Variants in ZBP1 observed in about 807,000 individuals in gnomAD.
ZBP1 encodes the protein Z-DNA binding protein 1.
A neutral mutation model predicts 41.1 loss-of-function variants in ZBP1; 42 were observed. The observed-to-expected ratio is 1.02, with a 90% CI of 0.80 to 1.32. The LOEUF (loss-of-function observed/expected upper bound fraction) is 1.32, where lower values mean the gene tolerates loss of function less well. Ranked by LOEUF, ZBP1 falls within the 40% of genes most tolerant of loss-of-function variation. The pLI, the probability that ZBP1 is intolerant of heterozygous loss-of-function variation, is 0.00. For missense variants in ZBP1, 562 were observed against 549.7 expected (o/e 1.02, Z -0.22); for synonymous variants, 214 against 205.2 (o/e 1.04, Z -0.37).
Position 57,610,121 on chromosome 20 carries a change from CAG to C in ZBP1, c.1093+26_1093+27del, listed in dbSNP as rs1253609281. 1.3e-6 allele frequency: 2 copies of C among 1,575,346 alleles called. No individual in the cohort carries two copies. The highest frequency in any genetic ancestry group is 1.7e-6 in the Non-Finnish European group (2 of 1,146,432). ...AAGGTGGGGAGAGAGAGAGAACACA[CAG>C]GGGTCCACTCTGCCCCCTAGCTCAC... is the stretch of plus-strand genomic sequence containing the variant. On this transcript the variant is annotated intron_variant, in intron 7 of 7. Coordinates refer to ENST00000371173, the MANE Select transcript of ZBP1 (RefSeq NM_030776.3). This position sits in a 1 kb window ranked among gnomAD's most constrained non-coding sequence, Gnocchi z 5.5.
intron 2 of ZBP1, 62 bp downstream of exon 2, chr20:57,616,182 G>T: frequency 6.7e-7 from 1 of 1,493,822 alleles, no homozygotes; most frequent in Non-Finnish European, 9.3e-7. Context: ...TCAAATCTGT[G>T]CTTGTCCATT....
rs549416088 is a variant in ZBP1, at chr20:57,612,829, A to C, written c.670+334T>G. On this transcript the variant is annotated intron_variant, in intron 5 of 7. Transcript: ENST00000371173. ...AAGGCAATTGAGTTGTTTCTCATGA[A>C]AAACACCGGACCCCATTGAAAATGA... is the stretch of plus-strand genomic sequence containing the variant. 108 of 1,025,470 alleles carry C rather than the reference A, an allele frequency of 1.1e-4. 2 individuals carry two copies. In the African/African-American group the frequency reaches 1.4e-3, roughly 14 times the overall value. 63.5% of individuals were successfully genotyped at this position (1,025,470 alleles called of 1,614,324 possible). A position where few individuals can be genotyped will look rare whatever the true frequency, so the allele number is the denominator to read the frequency against.
intron 7 of ZBP1, among the ~76,000 whole-genome samples, chr20:57,606,851 C>T (rs945505921): frequency 1.3e-5 from 2 of 152,190 alleles, no homozygotes; most frequent in Admixed American, 6.5e-5. Flanking sequence ...CATTTCACTG[C>T]TCATCGTCCA....
rs2070452266 is a variant in ZBP1, at chr20:57,604,692, T to G, written c.1171A>C (p.Lys391Gln). 2 of 1,614,122 alleles carry G rather than the reference T, an allele frequency of 1.2e-6. No individual in the cohort carries two copies. Among genetic ancestry groups the G allele is most frequent in the Non-Finnish European group, 1.7e-6 (2 of 1,180,028 alleles). ...ATAGTTTCCAGCTTGGGGGTGAGCT[T>G]CGAGTGGCTGGGAGTGATGGGCTGA... ...IGQPITPSHS[K>Q]LTPKLETMTL... The change falls in exon 8 of 8, where the codon AAG becomes CAG. Residue 391 changes from lysine (K) to glutamine (Q), a missense_variant. Lys to Gln is a moderately conservative substitution (Grantham distance 53). Coordinates refer to ENST00000371173, the MANE Select transcript of ZBP1 (RefSeq NM_030776.3).
Position 57,604,348 on chromosome 20 carries a change from A to C in ZBP1, c.*225T>G. 1.5e-6 allele frequency: 1 copy of C among 670,840 alleles called. No individual in the cohort carries two copies. 41.6% of individuals were successfully genotyped at this position (670,840 alleles called of 1,614,324 possible). On this transcript the variant is annotated 3_prime_UTR_variant, in exon 8 of 8. Coordinates refer to ENST00000371173, the MANE Select transcript of ZBP1 (RefSeq NM_030776.3). Reference sequence around the variant, plus strand: ...TCTACCCACCTCCTCTTGGCACACCAAAGGTTCCCCAAGGCAACTCCCTGT... The same window carrying C: ...TCTACCCACCTCCTCTTGGCACACCCAAGGTTCCCCAAGGCAACTCCCTGT...
chr20:57,618,825 C>G (rs774158605), intron 1 of ZBP1, among the ~76,000 whole-genome samples: 1 of 152,166 alleles, frequency 6.6e-6, no homozygotes, highest in Non-Finnish European at 1.5e-5. Context: ...GGGTGATCCC[C>G]GCAACTCAGC....
At chr20:57,605,983 C>T (rs2070487111) in intron 7 of ZBP1, among the ~76,000 whole-genome samples, 2 of 152,080 alleles carry the variant, frequency 1.3e-5, no homozygotes, top group Admixed American at 6.5e-5. Context: ...CCTCTATGTG[C>T]TAAAGTGAAA....
rs1303787950 is a variant in ZBP1, at chr20:57,613,715, T to C, written c.503-385A>G. Among the ~76,000 whole-genome samples the C allele has an allele frequency of 2.6e-5, 4 of 152,202 alleles. No homozygotes were observed. The highest frequency in any genetic ancestry group is 7.2e-5 in the African/African-American group (3 of 41,440). ...GTAATGGCCGAGAAACAGCAGCCCA[T>C]TGGGCCAGATCGGTCGTGTTTGGCT... is the stretch of plus-strand genomic sequence containing the variant. On this transcript the variant is annotated intron_variant, in intron 4 of 7. Coordinates refer to ENST00000371173, the MANE Select transcript of ZBP1 (RefSeq NM_030776.3). The surrounding 1 kb of genome is among the most constrained non-coding windows in gnomAD (Gnocchi z 4.5).
In ZBP1 at chr20:57,604,713, G is replaced by C. The variant is rs1278188047; in HGVS notation, c.1150C>G (p.Pro384Ala). 2.3e-5 allele frequency: 37 copies of C among 1,614,050 alleles called. No individual in the cohort carries two copies. Among genetic ancestry groups the C allele is most frequent in the African/African-American group, 5.3e-5 (4 of 74,912 alleles). ...AGCTTCGAGTGGCTGGGAGTGATGG[G>C]CTGACCAATGTCTCGAGGAAAGTGA... ...RSHFPRDIGQ[P>A]ITPSHSKLTP... The change falls in exon 8 of 8, where the codon CCC becomes GCC. Residue 384 changes from proline (P) to alanine (A), a missense_variant. Coordinates refer to ENST00000371173, the MANE Select transcript of ZBP1 (RefSeq NM_030776.3).
In ZBP1 at chr20:57,613,429, A is replaced by G; in HGVS notation, c.503-99T>C. On this transcript the variant is annotated intron_variant, in intron 4 of 7. Coordinates refer to ENST00000371173, the MANE Select transcript of ZBP1 (RefSeq NM_030776.3). The surrounding 1 kb of genome is among the most constrained non-coding windows in gnomAD (Gnocchi z 4.5). Reference sequence around the variant, plus strand: ...ACCAAATTCTCCTGGGGAGCTTGTTAAAATACCCTGGGCGTTCCGAGTCAG... The same window carrying G: ...ACCAAATTCTCCTGGGGAGCTTGTTGAAATACCCTGGGCGTTCCGAGTCAG... The G allele has an allele frequency of 1.5e-6, 2 of 1,361,572 alleles. No homozygotes were observed. Among genetic ancestry groups the G allele is most frequent in the Non-Finnish European group, 2.0e-6 (2 of 983,966 alleles). The allele number at this position is 1,361,572 out of a possible 1,614,324, so 84.3% of individuals were successfully genotyped here. A position where few individuals can be genotyped will look rare whatever the true frequency, so the allele number is the denominator to read the frequency against.
At position 57,610,685 on chromosome 20, in the gene ZBP1, G is replaced by T; in HGVS notation, c.875-318C>A. On this transcript the variant is annotated intron_variant, in intron 6 of 7. Coordinates refer to ENST00000371173, the MANE Select transcript of ZBP1 (RefSeq NM_030776.3). This position sits in a 1 kb window ranked among gnomAD's most constrained non-coding sequence, Gnocchi z 5.5. ...TCTCCTCTGCTGCCTGCTTCCCACT[G>T]CACTGGAACACTGGCCCCCACTTTT... The T allele has an allele frequency of 1.6e-5, 7 of 433,272 alleles. No homozygotes were observed. The highest frequency in any genetic ancestry group is 1.5e-4 in the South Asian group (6 of 38,758). The allele number at this position is 433,272 out of a possible 1,614,324, so 26.8% of individuals were successfully genotyped here. A position where few individuals can be genotyped will look rare whatever the true frequency, so the allele number is the denominator to read the frequency against.
chr20:57,615,895 G>C, intron 2 of ZBP1: 1 of 528,828 alleles, frequency 1.9e-6, no homozygotes, highest in East Asian at 3.3e-5. Context: ...GGGCTGTAAA[G>C]CTAGAAAAGG....
In ZBP1 at chr20:57,613,933, A is replaced by T. The variant is rs2865395; in HGVS notation, c.503-603T>A. ...TGTGCGGGGCCCATCACCACCCTCCAGGGTCTCAGCTCCTGTGCCTTTGTG... is the reference window on the plus strand; with the variant it reads ...TGTGCGGGGCCCATCACCACCCTCCTGGGTCTCAGCTCCTGTGCCTTTGTG... On this transcript the variant is annotated intron_variant, in intron 4 of 7. Coordinates refer to ENST00000371173, the MANE Select transcript of ZBP1 (RefSeq NM_030776.3). This position sits in a 1 kb window ranked among gnomAD's most constrained non-coding sequence, Gnocchi z 4.5. Among the ~76,000 whole-genome samples, 39 of 152,306 alleles carry T rather than the reference A, an allele frequency of 2.6e-4. No individual in the cohort carries two copies. The South Asian group carries it at 4.1e-3, about 16-fold the overall frequency.
rs751972160 is a variant in ZBP1, at chr20:57,616,229, C to T, written c.259+15G>A. 43 of 1,613,464 alleles carry T rather than the reference C, an allele frequency of 2.7e-5. No individual in the cohort carries two copies. The highest frequency in any genetic ancestry group is 4.0e-5 in the African/African-American group (3 of 74,896). On this transcript the variant is annotated intron_variant, in intron 2 of 7. Transcript: ENST00000371173. The stretch of plus-strand genomic sequence containing the variant: ...CCCTGCAGGGTCAGACCCGCCTCCC[C>T]GGGGTGGCAGTTACCAGGGCTGGAC...
chr20:57,615,090 G>T (rs1338847597), intron 3 of ZBP1, 30 bp from the exon 4 acceptor site: 1 of 1,612,840 alleles, frequency 6.2e-7, no homozygotes, highest in South Asian at 1.1e-5. Flanking sequence ...GGTGGTTAGG[G>T]AGTAGTCCTA....
chr20:57,616,527 A>G, intron 1 of ZBP1, 59 bp from the exon 2 acceptor site: 1 of 1,596,648 alleles, frequency 6.3e-7, no homozygotes. Context: ...CCCACAGTTG[A>G]GCCCAGGCTG....
intron 7 of ZBP1, among the ~76,000 whole-genome samples, chr20:57,608,247 G>A (rs893302038): frequency 1.3e-5 from 2 of 151,990 alleles, no homozygotes; most frequent in Admixed American, 6.6e-5. Flanking sequence ...TCAGCCTCCT[G>A]AGTAGCTGGG....
In ZBP1 at chr20:57,620,373, T is replaced by C. The variant is rs2070981388; in HGVS notation, c.-78A>G. 12 of 1,514,662 alleles carry C rather than the reference T, an allele frequency of 7.9e-6. No homozygotes were observed. In the East Asian group the frequency reaches 1.2e-4, roughly 16 times the overall value. 93.8% of individuals were successfully genotyped at this position (1,514,662 alleles called of 1,614,324 possible). A position where few individuals can be genotyped will look rare whatever the true frequency, so the allele number is the denominator to read the frequency against. On this transcript the variant is annotated 5_prime_UTR_variant, in exon 1 of 8. Transcript: ENST00000371173. ...GCACTGTGGCCCTGAGAGGGTGGGC[T>C]AGGTCGAGGCTGGGGCTTCTGAAGT...
rs2146550490 is a variant in ZBP1, at chr20:57,604,654, G to T, written c.1209C>A (p.Asn403Lys). The change falls in exon 8 of 8, where the codon AAC becomes AAA. Residue 403 changes from asparagine to lysine, a missense_variant. By Grantham distance (94) the Asn-to-Lys change is moderately conservative. Transcript: ENST00000371173. ...TPKLETMTLG[N>K]RSHKAAEGSH... is the part of the protein sequence containing the mutation. ...TGCCTTCTGCAGCTTTGTGACTCCT[G>T]TTTCCAAGAGTCATAGTTTCCAGCT... 2 of 1,614,176 alleles carry T rather than the reference G, an allele frequency of 1.2e-6. 1 individual carries two copies. The highest frequency in any genetic ancestry group is 2.2e-5 in the South Asian group (2 of 91,076).
Sources: gnomAD v4.1 joint callset for allele counts (sites outside exome capture counted in the v4.1 genomes callset) on GRCh38, gnomAD v4.1.1 for gene constraint, Gnocchi (gnomAD v3.1) non-coding constraint, MANE v1.5 for transcripts, NCBI Gene and HGNC (gene_info 2026-07-23, HGNC 2026-07-21) for gene names.